Variants in CDKL5 observed in about 807,000 individuals in gnomAD.
CDKL5 encodes cyclin dependent kinase like 5.
A neutral mutation model predicts 61.7 loss-of-function variants in CDKL5; 8 were observed. That is an observed-to-expected ratio of 0.13 (90% CI 0.08 to 0.23). The LOEUF (loss-of-function observed/expected upper bound fraction) is 0.23. Ranked by LOEUF, CDKL5 falls within the 10% of genes least tolerant of loss-of-function variation. CDKL5 has a pLI of 1.00. For synonymous variants in CDKL5, 275 were observed against 272.3 expected (o/e 1.01, Z -0.10); for missense variants, 440 against 734.5 (o/e 0.60, Z 4.63).
Position 18,439,046 on chromosome X carries a change from C to G in CDKL5, c.-163+13351C>G, listed in dbSNP as rs868314145. The stretch of plus-strand genomic sequence containing the variant: ...CCCTTATCAAAGGTGCCCCTTTTTG[C>G]CCCCCCCCCCGCCCCCCACCATTTC... On this transcript the variant is annotated intron_variant, in intron 1 of 17. Coordinates refer to ENST00000623535, the MANE Select transcript of CDKL5 (RefSeq NM_001323289.2). 8.8e-3 allele frequency among the ~76,000 whole-genome samples: 12 copies of G among 1,369 alleles called. 1 individual carries two copies. Among genetic ancestry groups the G allele is most frequent in the Admixed American group, 0.079 (7 of 89 alleles). The allele number at this position is 1,369 out of a possible 115,157, so 1.2% of individuals were successfully genotyped here.
chrX:18,612,326 G>A (rs767293382), intron 14 of CDKL5, among the ~76,000 whole-genome samples: 5 of 111,468 alleles, frequency 4.5e-5, no homozygotes, highest in Admixed American at 1.9e-4. Context: ...TTCAAAGAAT[G>A]CCAAAACGGT....
chrX:18,516,016 C>G (rs1458704058), intron 3 of CDKL5, among the ~76,000 whole-genome samples: 4 of 110,054 alleles, frequency 3.6e-5, no homozygotes, highest in African/African-American at 1.3e-4. Flanking sequence ...CTCTCTCTCT[C>G]TCACTGTGTT....
chrX:18,596,531 C>T (rs1926002069), intron 10 of CDKL5, among the ~76,000 whole-genome samples: 1 of 111,974 alleles, frequency 8.9e-6, no homozygotes, highest in African/African-American at 3.2e-5. Context: ...TAGTGTTCTT[C>T]TGAATACAGA....
At chrX:18,512,329 C>T (rs1472756054) in intron 3 of CDKL5, among the ~76,000 whole-genome samples, 2 of 111,415 alleles carry the variant, frequency 1.8e-5, no homozygotes, top group Non-Finnish European at 3.8e-5. Context: ...AACATTTAAA[C>T]TCTTGAATCT....
intron 3 of CDKL5, among the ~76,000 whole-genome samples, chrX:18,529,155 T>C (rs1381285176): frequency 9.2e-6 from 1 of 109,059 alleles, no homozygotes; most frequent in Non-Finnish European, 1.9e-5. Context: ...TTTTCTCTCC[T>C]GTTTTAGTGT....
rs764363328 is a variant in CDKL5 at position 18,523,864 on chromosome X, G to A, written c.99+13010G>A. ...TCTTTTGAATATATACCTAGGAGTA[G>A]CATTGTTGGGTCATATGGTAATTAC... On this transcript the variant is annotated intron_variant, in intron 3 of 17. Coordinates refer to ENST00000623535, the MANE Select transcript of CDKL5 (RefSeq NM_001323289.2). Among the ~76,000 whole-genome samples the A allele has an allele frequency of 4.5e-5, 5 of 112,011 alleles. No homozygotes were observed. The South Asian group carries it at 1.9e-3, about 42-fold the overall frequency.
rs141169501 is a variant in CDKL5, at chrX:18,622,631, G to T, written c.2377-2497G>T. 1.0e-3 allele frequency among the ~76,000 whole-genome samples: 114 copies of T among 112,386 alleles called. 1 individual carries two copies. The East Asian group carries it at 0.022, about 22-fold the overall frequency. ...TCTGATGCCCAGTGTACATAGAGAC[G>T]CATGACATGTTAAAGCTGAGGTGGA... On this transcript the variant is annotated intron_variant, in intron 16 of 17. Transcript: ENST00000623535.
chrX:18,612,653 TAAA>T (rs745865761), intron 14 of CDKL5, among the ~76,000 whole-genome samples: 3 of 91,754 alleles, frequency 3.3e-5, no homozygotes, highest in Non-Finnish European at 4.3e-5. Flanking sequence ...GTCTCTTATT[TAAA>T]AAAAAAAAAA....
At chrX:18,516,798 G>A (rs1412075697) in intron 3 of CDKL5, among the ~76,000 whole-genome samples, 2 of 111,766 alleles carry the variant, frequency 1.8e-5, no homozygotes, top group Admixed American at 9.5e-5. Context: ...GTCCAATGGC[G>A]CTATCTCGGC....
chrX:18,589,198 T>G (rs1925742929), intron 9 of CDKL5: 1 of 110,509 alleles, frequency 9.0e-6, no homozygotes, highest in Non-Finnish European at 1.9e-5. Context: ...ACATGCAAGT[T>G]TGTTACATAT....
rs1315041784 is a variant in CDKL5, at chrX:18,631,961, G to T, written c.*3204G>T. The T allele has an allele frequency of 9.5e-6, 6 of 634,144 alleles. No individual in the cohort carries two copies. Among genetic ancestry groups the T allele is most frequent in the Admixed American group, 8.9e-5 (1 of 11,232 alleles). The allele number at this position is 634,144 out of a possible 1,213,427, so 52.3% of individuals were successfully genotyped here. A position where few individuals can be genotyped will look rare whatever the true frequency, so the allele number is the denominator to read the frequency against. On this transcript the variant is annotated 3_prime_UTR_variant, in exon 18 of 18. Coordinates refer to ENST00000623535, the MANE Select transcript of CDKL5 (RefSeq NM_001323289.2). The stretch of plus-strand genomic sequence containing the variant: ...TGGGGACATTTGGTTGTCATAGCTG[G>T]GGGGGAGGTGATGGTATGCTACTGG...
At chrX:18,588,982 T>G (rs960485356) in intron 9 of CDKL5, 1 of 110,296 alleles carries the variant, frequency 9.1e-6, no homozygotes, top group African/African-American at 3.3e-5. Flanking sequence ...TTCCTAGACT[T>G]GACAACTTTG....
chrX:18,480,609 C>A (rs1838469569), intron 1 of CDKL5, among the ~76,000 whole-genome samples: 1 of 111,395 alleles, frequency 9.0e-6, no homozygotes, highest in African/African-American at 3.3e-5. Context: ...TAGAATTCTT[C>A]TGCACAGGGG....
chrX:18,612,063 A>G (rs765949244), intron 14 of CDKL5, among the ~76,000 whole-genome samples: 13 of 112,206 alleles, frequency 1.2e-4, no homozygotes, highest in Admixed American at 1.1e-3. Context: ...GTTAATAACT[A>G]TCCCCCCAAA....
chrX:18,483,112 T>C (rs892670758), intron 1 of CDKL5, among the ~76,000 whole-genome samples: 1 of 111,966 alleles, frequency 8.9e-6, no homozygotes, highest in Non-Finnish European at 1.9e-5. Context: ...GTTATTGGCC[T>C]TCTTATTACA....
At chrX:18,469,792 A>G (rs907499858) in intron 1 of CDKL5, among the ~76,000 whole-genome samples, 1 of 112,039 alleles carries the variant, frequency 8.9e-6, no homozygotes, top group African/African-American at 3.2e-5. Context: ...ATAATTTTCT[A>G]GTTAGAATTC....
At chrX:18,612,647 C>G (rs1176796667) in intron 14 of CDKL5, among the ~76,000 whole-genome samples, 1 of 97,812 alleles carries the variant, frequency 1.0e-5, no homozygotes, top group Non-Finnish European at 2.0e-5. Flanking sequence ...GTAACAGTCT[C>G]TTATTTAAAA....
At chrX:18,524,266 C>T (rs962115128) in intron 3 of CDKL5, among the ~76,000 whole-genome samples, 3 of 111,393 alleles carry the variant, frequency 2.7e-5, no homozygotes, top group Non-Finnish European at 5.7e-5. Context: ...TCCTCTATTT[C>T]TAGTCTTCTC....
intron 7 of CDKL5, among the ~76,000 whole-genome samples, chrX:18,583,654 A>C (rs1218848078): frequency 9.0e-6 from 1 of 111,557 alleles, no homozygotes; most frequent in Non-Finnish European, 1.9e-5. Context: ...GTGGCTATGC[A>C]GTAGCCCTAA....
Sources: gnomAD v4.1 joint callset for allele counts (sites outside exome capture counted in the v4.1 genomes callset) on GRCh38, gnomAD v4.1.1 for gene constraint, MANE v1.5 for transcripts, NCBI Gene and HGNC (gene_info 2026-07-23, HGNC 2026-07-21) for gene names.